TCF4: variants seen among roughly 807,000 people sequenced by gnomAD.
TCF4 encodes transcription factor 4.
In TCF4, 3 loss-of-function variants were observed where a neutral mutation model predicts 82.1. The observed-to-expected ratio is 0.04, with a 90% CI of 0.02 to 0.09. The LOEUF (loss-of-function observed/expected upper bound fraction) is 0.09, where lower values mean the gene tolerates loss of function less well. Ranked by LOEUF, TCF4 falls within the 10% of genes least tolerant of loss-of-function variation. The pLI, the probability that TCF4 is intolerant of heterozygous loss-of-function variation, is 1.00. For missense variants in TCF4, 518 were observed against 852.7 expected (o/e 0.61, Z 4.89); for synonymous variants, 276 against 309.6 (o/e 0.89, Z 1.14).
chr18:55,285,269 A>C (rs1242158673), intron 8 of TCF4, among the ~76,000 whole-genome samples: 3 of 152,210 alleles, frequency 2.0e-5, no homozygotes, highest in African/African-American at 7.2e-5. Flanking sequence ...CAGCTCTCAC[A>C]ATTCCTTGCG....
intron 8 of TCF4, among the ~76,000 whole-genome samples, chr18:55,334,626 T>C (rs1166604788): frequency 6.6e-6 from 1 of 152,140 alleles, no homozygotes; most frequent in East Asian, 1.9e-4. Flanking sequence ...TTCAAAATAA[T>C]AATTCAAAAA....
In TCF4 at chr18:55,268,732, C is replaced by A. The variant is rs573886334; in HGVS notation, c.922+1099G>T. On this transcript the variant is annotated intron_variant, in intron 11 of 19. Transcript: ENST00000354452. The stretch of plus-strand genomic sequence containing the variant: ...ACATAAGTGATTCACGCCACTTCCC[C>A]AAATTCTACACACTCTCTAAAGAAA... 3.9e-5 allele frequency: 6 copies of A among 152,246 alleles called. No homozygotes were observed. In the East Asian group the frequency reaches 1.2e-3, roughly 29 times the overall value. 9.4% of individuals were successfully genotyped at this position (152,246 alleles called of 1,614,324 possible).
chr18:55,593,103 T>A (rs1453946924), upstream of TCF4, among the ~76,000 whole-genome samples: 2 of 152,168 alleles, frequency 1.3e-5, no homozygotes, highest in African/African-American at 4.8e-5. Context: ...GTGACCGCTA[T>A]TCTAGGGGGT....
intron 2 of TCF4, chr18:55,585,861 A>T: frequency 4.3e-6 from 5 of 1,153,830 alleles, no homozygotes; most frequent in Non-Finnish European, 5.4e-6. Flanking sequence ...TTGAAGCAAG[A>T]CTCTCTCTCT....
At chr18:55,259,717 G>A in intron 13 of TCF4, 1 of 531,260 alleles carries the variant, frequency 1.9e-6, no homozygotes, top group Non-Finnish European at 3.4e-6. Context: ...TTTTCCATAT[G>A]CCTGTATATT....
intron 8 of TCF4, among the ~76,000 whole-genome samples, chr18:55,337,359 T>C (rs750640748): frequency 2.0e-5 from 3 of 152,034 alleles, no homozygotes; most frequent in Non-Finnish European, 4.4e-5. Context: ...ATAATGAAAA[T>C]TTAGGGTAAC....
rs1353493277 is a variant in TCF4 at position 55,531,254 on chromosome 18, T to C, written c.145+54026A>G. 2.6e-5 allele frequency among the ~76,000 whole-genome samples: 4 copies of C among 152,014 alleles called. No homozygotes were observed. The East Asian group carries it at 5.8e-4, about 22-fold the overall frequency. On this transcript the variant is annotated intron_variant, in intron 3 of 19. Coordinates refer to ENST00000354452, the MANE Select transcript of TCF4 (RefSeq NM_001083962.2). ...CAGTCATGAGCCACCACACCAGGCC[T>C]ACCAGAGCATTTTCTATACCATCTC...
At chr18:55,583,044 T>C (rs915730169) in intron 3 of TCF4, among the ~76,000 whole-genome samples, 2 of 152,182 alleles carry the variant, frequency 1.3e-5, no homozygotes, top group African/African-American at 4.8e-5. Context: ...GTTCAAATAC[T>C]ATCTTGATAG....
intron 17 of TCF4, 53 bp from the exon 18 acceptor site, chr18:55,229,129 T>C (rs1251965371): frequency 1.0e-5 from 16 of 1,587,328 alleles, no homozygotes; most frequent in African/African-American, 2.7e-5. Flanking sequence ...AAAAAGAAGG[T>C]GTCTACATTA....
chr18:55,310,960 T>C (rs1166028942), intron 8 of TCF4, among the ~76,000 whole-genome samples: 1 of 152,154 alleles, frequency 6.6e-6, no homozygotes, highest in Non-Finnish European at 1.5e-5. Flanking sequence ...TATGCAGACA[T>C]GTTGTGTTAC....
At chr18:55,545,702 G>A (rs55958751) in intron 3 of TCF4, among the ~76,000 whole-genome samples, 5 of 152,044 alleles carry the variant, frequency 3.3e-5, no homozygotes, top group African/African-American at 9.7e-5. Context: ...TGCCTGCCTC[G>A]GCCTCCCAAA....
chr18:55,385,838 G>A (rs1051414796), intron 6 of TCF4, among the ~76,000 whole-genome samples: 9 of 152,320 alleles, frequency 5.9e-5, no homozygotes, highest in Middle Eastern at 6.8e-3. Context: ...GTCCAGCCCT[G>A]CTCAAGTTCT....
intron 3 of TCF4, among the ~76,000 whole-genome samples, chr18:55,493,575 G>GTA (rs1170088796): frequency 1.3e-5 from 2 of 152,112 alleles, no homozygotes; most frequent in African/African-American, 4.8e-5. Flanking sequence ...ATGGAATATA[G>GTA]TATAGGCTTC....
chr18:55,271,441 A>G (rs1432963964), intron 10 of TCF4, among the ~76,000 whole-genome samples: 2 of 152,148 alleles, frequency 1.3e-5, no homozygotes, highest in African/African-American at 4.8e-5. Flanking sequence ...GGATTGAAGT[A>G]TAACTTATTT....
chr18:55,246,014 T>C (rs1008451103), intron 15 of TCF4, among the ~76,000 whole-genome samples: 1 of 152,214 alleles, frequency 6.6e-6, no homozygotes, highest in African/African-American at 2.4e-5. Context: ...TCTGCTTTCC[T>C]GAGAAAATAA....
intron 3 of TCF4, among the ~76,000 whole-genome samples, chr18:55,518,765 T>C (rs558132699): frequency 6.6e-6 from 1 of 152,306 alleles, no homozygotes; most frequent in Admixed American, 6.5e-5. Context: ...GATTTTTTGC[T>C]GTAAATCTGT....
intron 6 of TCF4, among the ~76,000 whole-genome samples, chr18:55,394,587 A>T (rs2093377649): frequency 6.6e-6 from 1 of 152,208 alleles, no homozygotes; most frequent in South Asian, 2.1e-4. Flanking sequence ...TCTCCCGCCA[A>T]AATGTAACTT....
At chr18:55,533,981 C>G (rs1259550054) in intron 3 of TCF4, among the ~76,000 whole-genome samples, 1 of 152,140 alleles carries the variant, frequency 6.6e-6, no homozygotes, top group African/African-American at 2.4e-5. Context: ...TTTTGGATGT[C>G]TAATTTTTTG....
intron 5 of TCF4, among the ~76,000 whole-genome samples, chr18:55,420,890 G>C (rs1412775321): frequency 7.1e-6 from 1 of 140,000 alleles, no homozygotes; most frequent in African/African-American, 2.7e-5. Context: ...AGCAGAAAGC[G>C]CTTTAAAAGA....
Sources: gnomAD v4.1 joint callset for allele counts (sites outside exome capture counted in the v4.1 genomes callset) on GRCh38, gnomAD v4.1.1 for gene constraint, MANE v1.5 for transcripts, NCBI Gene and HGNC (gene_info 2026-07-23, HGNC 2026-07-21) for gene names.